Variants in MED16 observed in about 807,000 individuals in gnomAD.
MED16 encodes the protein mediator of RNA polymerase II transcription subunit 16.
In MED16, 81 loss-of-function variants were observed where a neutral mutation model predicts 84.4. That is an observed-to-expected ratio of 0.96 (90% CI 0.80 to 1.15). The LOEUF is 1.15. MED16 is among the 50% of genes most tolerant of loss of function. The pLI is 0.00. For missense variants in MED16, 1,585 were observed against 1,245.9 expected (o/e 1.27, Z -4.10); for synonymous variants, 897 against 552.2 (o/e 1.62, Z -8.76).
chr19:888,613 G>A (rs372038736), intron 4 of MED16, among the ~76,000 whole-genome samples: 7 of 152,046 alleles, frequency 4.6e-5, no homozygotes, highest in South Asian at 2.1e-4. Flanking sequence ...CCTCTGGACC[G>A]TGTGGGCTGC....
At chr19:889,923 G>T (rs1464721136) in intron 3 of MED16, 116 bp from the exon 4 acceptor site, 29 of 1,281,162 alleles carry the variant, frequency 2.3e-5, no homozygotes, top group Non-Finnish European at 2.5e-5. Context: ...GCCCAGGTAG[G>T]GCACAGCAGG....
Position 891,202 on chromosome 19 carries a change from T to C in MED16, c.-18-53A>G, listed in dbSNP as rs907126105. ...CTATGTTGGCTGAGCACCCAGGGCATGTGGAGTGCCAGGCCAGAAGTGGGA... is the reference window on the plus strand; with the variant it reads ...CTATGTTGGCTGAGCACCCAGGGCACGTGGAGTGCCAGGCCAGAAGTGGGA... On this transcript the variant is annotated intron_variant, in intron 1 of 15. Coordinates refer to ENST00000325464, the MANE Select transcript of MED16 (RefSeq NM_005481.3). 173 of 1,523,794 alleles carry C rather than the reference T, an allele frequency of 1.1e-4. 1 individual carries two copies. Among genetic ancestry groups the C allele is most frequent in the Middle Eastern group, 1.7e-4 (1 of 5,732 alleles). 94.4% of individuals were successfully genotyped at this position (1,523,794 alleles called of 1,614,324 possible).
At chr19:870,378 T>C (rs982328079) in intron 13 of MED16, among the ~76,000 whole-genome samples, 9 of 152,010 alleles carry the variant, frequency 5.9e-5, no homozygotes, top group African/African-American at 1.9e-4. Flanking sequence ...CTGGCCAACA[T>C]TGCAAAACCG....
At chr19:882,040 A>G (rs1388658854) in intron 6 of MED16, among the ~76,000 whole-genome samples, 1 of 151,732 alleles carries the variant, frequency 6.6e-6, no homozygotes, top group East Asian at 1.9e-4. Flanking sequence ...AAACCCTAAC[A>G]CTCGCTCGGC....
At position 867,986 on chromosome 19, in the gene MED16, A is replaced by G; in HGVS notation, c.*115T>C. The G allele has an allele frequency of 7.3e-7, 1 of 1,375,758 alleles. No individual in the cohort carries two copies. The highest frequency in any genetic ancestry group is 9.7e-7 in the Non-Finnish European group (1 of 1,031,638). The allele number at this position is 1,375,758 out of a possible 1,614,324, so 85.2% of individuals were successfully genotyped here. On this transcript the variant is annotated 3_prime_UTR_variant, in exon 16 of 16. Coordinates refer to ENST00000325464, the MANE Select transcript of MED16 (RefSeq NM_005481.3). ...CCTGGGCGCAGAGGGCGTTTATTGG[A>G]CCTGTCCTTCCCAGCCGCTGCTTGT... is the stretch of plus-strand genomic sequence containing the variant.
At position 873,448 on chromosome 19, in the gene MED16, C is replaced by G; in HGVS notation, c.1905+1G>C. 1 of 1,607,354 alleles carries G rather than the reference C, an allele frequency of 6.2e-7. No homozygotes were observed. The highest frequency in any genetic ancestry group is 8.5e-7 in the Non-Finnish European group (1 of 1,179,488). On this transcript the variant is annotated splice_donor_variant, in intron 11 of 15. Coordinates refer to ENST00000325464, the MANE Select transcript of MED16 (RefSeq NM_005481.3). LOFTEE classifies it high-confidence loss of function. ...GGGCCTTAGGGGAGAGCATGGCGCACCTGGTTGGGTAGGCTGGCCAGCAGG... is the reference window on the plus strand; with the variant it reads ...GGGCCTTAGGGGAGAGCATGGCGCAGCTGGTTGGGTAGGCTGGCCAGCAGG...
rs542257403 is a variant in MED16 at position 868,171 on chromosome 19, G to A, written c.2564C>T (p.Pro855Leu). 1.1e-4 allele frequency: 184 copies of A among 1,610,624 alleles called. 1 individual carries two copies. Among genetic ancestry groups the A allele is most frequent in the Middle Eastern group, 8.3e-4 (5 of 6,014 alleles). The change falls in exon 16 of 16, where the codon CCG becomes CTG. Residue 855 changes from proline to leucine, a missense_variant. Physicochemically the swap from Pro to Leu is moderately conservative, Grantham distance 98 (BLOSUM62 -3). Transcript: ENST00000325464. ...CCTGGGAGAGTGGTGTGTGGACTGC[G>A]GGCCCAGCTGGACAAAGGCAGGGGC... The part of the protein sequence containing the change: ...EEAPAFVQLG[P>L]QSTHHSPRTP...
chr19:890,431 G>A, intron 2 of MED16, 187 bp from the exon 3 acceptor site: 2 of 493,400 alleles, frequency 4.1e-6, no homozygotes, highest in Middle Eastern at 4.8e-4. Flanking sequence ...GGCCTGTGAG[G>A]CGCCACAACT....
At chr19:877,932 C>G (rs1378936083) in intron 8 of MED16, among the ~76,000 whole-genome samples, 12 of 126,812 alleles carry the variant, frequency 9.5e-5, no homozygotes, top group African/African-American at 3.5e-4. Context: ...AGCTCACCTT[C>G]CCGTGGTTGT....
rs777459198 is a variant in MED16 at position 884,973 on chromosome 19, G to C, written c.915C>G (p.Ile305Met). The C allele has an allele frequency of 3.7e-6, 6 of 1,607,972 alleles. No individual in the cohort carries two copies. The Admixed American group carries it at 8.4e-5, about 22-fold the overall frequency. ...LLCASSQTSS[I>M]VECWSLRKEG... The stretch of plus-strand genomic sequence containing the variant: ...CCTTGCGCAGGGACCAGCACTCCAC[G>C]ATGCTGCTGGTCTGGCTGGACGCGC... The change falls in exon 6 of 16, where the codon ATC becomes ATG. Residue 305 changes from isoleucine to methionine, a missense_variant. By Grantham distance (10) the Ile-to-Met change is conservative (BLOSUM62 1). Transcript: ENST00000325464.
At chr19:878,916 A>AGCCCCAGCCCCG (rs1395467328) in intron 8 of MED16, among the ~76,000 whole-genome samples, 6 of 79,708 alleles carry the variant, frequency 7.5e-5, no homozygotes, top group Admixed American at 5.3e-4. Flanking sequence ...AATGTCCACC[A>AGCCCCAGCCCCG]GCCCCGGCCC....
intron 9 of MED16, 62 bp from the exon 10 acceptor site, chr19:875,516 G>C: frequency 7.3e-7 from 1 of 1,376,372 alleles, no homozygotes; most frequent in Non-Finnish European, 9.9e-7. Flanking sequence ...CAAGGCTCCA[G>C]CTGAGGAGAA....
chr19:885,624 T>G, intron 5 of MED16, 146 bp downstream of exon 5: 2 of 959,290 alleles, frequency 2.1e-6, no homozygotes, highest in Middle Eastern at 3.3e-4. Context: ...AAATGGGTTC[T>G]CCCCTGGAGC....
chr19:871,564 C>T, intron 12 of MED16: 1 of 1,593,574 alleles, frequency 6.3e-7, no homozygotes, highest in Non-Finnish European at 8.5e-7. Flanking sequence ...TCACCCTCCT[C>T]ACATACACAC....
intron 8 of MED16, among the ~76,000 whole-genome samples, chr19:877,432 C>A (rs1029769343): frequency 6.6e-6 from 1 of 152,166 alleles, no homozygotes; most frequent in Non-Finnish European, 1.5e-5. Context: ...GGCTTACACT[C>A]GTCTGCTTTA....
chr19:872,850 G>A (rs376018537), intron 11 of MED16: 3 of 629,336 alleles, frequency 4.8e-6, no homozygotes, highest in Non-Finnish European at 6.1e-6. Context: ...AGAAGGAGCA[G>A]GGCCTGGGAG....
chr19:872,420 C>A (rs1189079431), intron 11 of MED16, among the ~76,000 whole-genome samples: 2 of 151,980 alleles, frequency 1.3e-5, no homozygotes, highest in East Asian at 1.9e-4. Flanking sequence ...GAGCAGCCGC[C>A]CCCTCCTACA....
At position 875,355 on chromosome 19, in the gene MED16, TGAGG is replaced by T; in HGVS notation, c.1656_1659del (p.Phe552LeufsTer8). On this transcript the variant is annotated frameshift_variant, in exon 10 of 16. Transcript: ENST00000325464. LOFTEE classifies it high-confidence loss of function. ...GACTTCAGGGTGGAGCTGATGGCGA[TGAGG>T]AAGAGCTTGGTGTGGTAGTCGCACA... 3 of 1,609,630 alleles carry T rather than the reference TGAGG, an allele frequency of 1.9e-6. No homozygotes were observed. The highest frequency in any genetic ancestry group is 2.5e-6 in the Non-Finnish European group (3 of 1,179,492).
In MED16 at chr19:876,181, A is replaced by G. The variant is rs533178244; in HGVS notation, c.1561-727T>C. On this transcript the variant is annotated intron_variant, in intron 9 of 15. Coordinates refer to ENST00000325464, the MANE Select transcript of MED16 (RefSeq NM_005481.3). ...TCTTCGTATTGGTTTCTGATGGCAC[A>G]GAGGAAAACAAGTGAAGCTCAGAGG... 1.4e-3 allele frequency among the ~76,000 whole-genome samples: 218 copies of G among 152,102 alleles called. 6 individuals are homozygous for G. The highest frequency in any genetic ancestry group is 7.5e-4 in the Non-Finnish European group (51 of 67,970).
Sources: allele counts gnomAD v4.1 joint callset (sites outside exome capture counted in the v4.1 genomes callset), GRCh38; gene constraint gnomAD v4.1.1; transcripts MANE v1.5; gene names NCBI Gene and HGNC (gene_info 2026-07-23, HGNC 2026-07-21).